The following ARID3A variants were observed in gnomAD, a reference collection of about 807,000 sequenced individuals.
ARID3A encodes AT-rich interactive domain-containing protein 3A.
In ARID3A, 11 loss-of-function variants were observed where a neutral mutation model predicts 52.7. The ratio of observed to expected loss-of-function variants is 0.21; its 90% CI spans 0.13 to 0.35. ARID3A has a LOEUF of 0.35. ARID3A is among the 10% of genes least tolerant of loss of function. The pLI is 1.00. For missense variants in ARID3A, 721 were observed against 838.5 expected (o/e 0.86, Z 1.73); for synonymous variants, 404 against 359.4 (o/e 1.12, Z -1.40).
chr19:943,047 T>C (rs1028437120), intron 3 of ARID3A, among the ~76,000 whole-genome samples: 1 of 152,042 alleles, frequency 6.6e-6, no homozygotes, highest in African/African-American at 2.4e-5. Flanking sequence ...GACGGGAGTT[T>C]CGCTTGAGCC....
intron 6 of ARID3A, 93 bp downstream of exon 6, chr19:965,173 A>G (rs2038123215): frequency 1.4e-6 from 2 of 1,399,276 alleles, no homozygotes; most frequent in African/African-American, 2.9e-5. Flanking sequence ...TCTCTGGGTA[A>G]CCAGGATGAA....
rs375088044 is a variant in ARID3A at position 929,276 on chromosome 19, G to A, written c.-253G>A. 12 of 307,894 alleles carry A rather than the reference G, an allele frequency of 3.9e-5. No homozygotes were observed. In the East Asian group the frequency reaches 6.5e-4, roughly 17 times the overall value. The allele number at this position is 307,894 out of a possible 1,614,324, so 19.1% of individuals were successfully genotyped here. ...TTCCCCCTCAGGTTTCTGCAAATGC[G>A]TGAATGAGCCGGATGCCAGCCTCTG... is the stretch of plus-strand genomic sequence containing the variant. On this transcript the variant is annotated 5_prime_UTR_variant, in exon 2 of 9. In the 5' UTR this introduces an upstream ATG that the reference lacks. Transcript: ENST00000263620. This position sits in a 1 kb window ranked among gnomAD's most constrained non-coding sequence, Gnocchi z 6.2.
intron 3 of ARID3A, among the ~76,000 whole-genome samples, chr19:950,575 G>A (rs1167355771): frequency 2.6e-5 from 4 of 152,166 alleles, no homozygotes; most frequent in Non-Finnish European, 4.4e-5. Context: ...GTGGGGACCG[G>A]CAGGCAGGCA....
intron 3 of ARID3A, among the ~76,000 whole-genome samples, chr19:955,837 G>C (rs199610985): frequency 1.3e-5 from 2 of 152,162 alleles, no homozygotes; most frequent in African/African-American, 2.4e-5. Context: ...GGGGGGCTGC[G>C]TAACGAAGGA....
At chr19:971,283 C>G (rs2038271878) in intron 8 of ARID3A, among the ~76,000 whole-genome samples, 1 of 152,128 alleles carries the variant, frequency 6.6e-6, no homozygotes, top group Non-Finnish European at 1.5e-5. Flanking sequence ...GCCTGGGCAA[C>G]ATATTGAGAG....
chr19:951,494 T>C (rs2037802648), intron 3 of ARID3A, among the ~76,000 whole-genome samples: 1 of 151,788 alleles, frequency 6.6e-6, no homozygotes, highest in African/African-American at 2.4e-5. Context: ...GAGGCTGCAG[T>C]GAGCTATGAC....
chr19:941,469 G>A lies in ARID3A; in HGVS notation c.693+8727G>A, dbSNP rs2145385929. Among the ~76,000 whole-genome samples, 2 of 152,344 alleles carry A rather than the reference G, an allele frequency of 1.3e-5. No homozygotes were observed. Among genetic ancestry groups the A allele is most frequent in the Admixed American group, 1.3e-4 (2 of 15,304 alleles). The stretch of plus-strand genomic sequence containing the variant: ...GCGTGTCCCCAGCCAGCACCACGGT[G>A]TTCGTTTAGGTCTCTGTGTGCCGAG... On this transcript the variant is annotated intron_variant, in intron 3 of 8. Coordinates refer to ENST00000263620, the MANE Select transcript of ARID3A (RefSeq NM_005224.3). This position sits in a 1 kb window ranked among gnomAD's most constrained non-coding sequence, Gnocchi z 6.9.
Position 930,651 on chromosome 19 carries a change from A to G in ARID3A, c.368+755A>G, listed in dbSNP as rs941182414. ...CAGCCTCCCGAGTAGTTGGGACTAC[A>G]GGCGCCCGCCACCACGCCTGGCTAA... is the stretch of plus-strand genomic sequence containing the variant. On this transcript the variant is annotated intron_variant, in intron 2 of 8. Coordinates refer to ENST00000263620, the MANE Select transcript of ARID3A (RefSeq NM_005224.3). Among the ~76,000 whole-genome samples the G allele has an allele frequency of 1.1e-3, 170 of 149,582 alleles. 1 individual carries two copies. The highest frequency in any genetic ancestry group is 4.1e-3 in the African/African-American group (166 of 40,840).
chr19:934,786 T>C (rs913959600), intron 3 of ARID3A, among the ~76,000 whole-genome samples: 2 of 152,044 alleles, frequency 1.3e-5, no homozygotes, highest in Non-Finnish European at 2.9e-5. Context: ...GACTTTTTTT[T>C]CTCTAGAGAA....
At chr19:930,804 C>T (rs979432584) in intron 2 of ARID3A, among the ~76,000 whole-genome samples, 4 of 151,902 alleles carry the variant, frequency 2.6e-5, no homozygotes, top group South Asian at 2.1e-4. Context: ...CCACCACACC[C>T]GGCCAACTTT....
At position 929,707 on chromosome 19, in the gene ARID3A, C is replaced by T; in HGVS notation, c.179C>T (p.Ala60Val). 2 of 1,564,884 alleles carry T rather than the reference C, an allele frequency of 1.3e-6. No individual in the cohort carries two copies. The highest frequency in any genetic ancestry group is 1.7e-6 in the Non-Finnish European group (2 of 1,163,606). Residue 60 changes from alanine (A) to valine (V), a missense_variant, in exon 2 of 9, where the codon GCC (alanine) becomes GTC (valine). By Grantham distance (64) the Ala-to-Val change is moderately conservative. This residue lies in a region of ARID3A where 349 missense variants were observed against 297.3 expected (regional missense o/e 1.17). Transcript: ENST00000263620. This position sits in a 1 kb window ranked among gnomAD's most constrained non-coding sequence, Gnocchi z 6.2. ...ESARMQRAQM[A>V]ALAAMRAAAA... ...GCCCGGATGCAGCGGGCTCAGATGGCCGCACTGGCAGCCATGCGGGCTGCA... is the reference window on the plus strand; with the variant it reads ...GCCCGGATGCAGCGGGCTCAGATGGTCGCACTGGCAGCCATGCGGGCTGCA...
rs553699583 is a variant in ARID3A at position 930,578 on chromosome 19, C to T, written c.368+682C>T. Among the ~76,000 whole-genome samples the T allele has an allele frequency of 2.0e-5, 3 of 148,914 alleles. No individual in the cohort carries two copies. The South Asian group carries it at 6.4e-4, about 32-fold the overall frequency. On this transcript the variant is annotated intron_variant, in intron 2 of 8. Coordinates refer to ENST00000263620, the MANE Select transcript of ARID3A (RefSeq NM_005224.3). ...AGGCTGGAGTGCAGTGGCGTGATCT[C>T]AGCTCACTGCAACCTCCTCCTCCCG...
intron 7 of ARID3A, among the ~76,000 whole-genome samples, chr19:967,082 A>G (rs1021093469): frequency 2.6e-5 from 4 of 151,902 alleles, no homozygotes; most frequent in Non-Finnish European, 4.4e-5. Context: ...ACATGGTGAA[A>G]CTCCATCTCT....
Position 964,785 on chromosome 19 carries a change from C to A in ARID3A, c.951-48C>A. On this transcript the variant is annotated intron_variant, in intron 5 of 8. Transcript: ENST00000263620. This position sits in a 1 kb window ranked among gnomAD's most constrained non-coding sequence, Gnocchi z 5.7. ...ACTTTGTACTGAAGGCCAAAGAGAG[C>A]CGTAGGGGTGACCCGGGTGCCATCC... The A allele has an allele frequency of 1.3e-6, 2 of 1,588,818 alleles. No individual in the cohort carries two copies. The highest frequency in any genetic ancestry group is 1.7e-4 in the Middle Eastern group (1 of 5,944).
Position 974,577 on chromosome 19 carries a change from T to C in ARID3A, c.*2512T>C. 4.4e-6 allele frequency: 1 copy of C among 229,632 alleles called. No individual in the cohort carries two copies. The allele number at this position is 229,632 out of a possible 1,614,324, so 14.2% of individuals were successfully genotyped here. A position where few individuals can be genotyped will look rare whatever the true frequency, so the allele number is the denominator to read the frequency against. ...AAAATCTGAGCCCCTGGGGTGCCTC[T>C]CCCCCGCCTCCCGTGCACCAGGGTC... is the stretch of plus-strand genomic sequence containing the variant. On this transcript the variant is annotated 3_prime_UTR_variant, in exon 9 of 9. Coordinates refer to ENST00000263620, the MANE Select transcript of ARID3A (RefSeq NM_005224.3).
chr19:970,463 C>T (rs2038252308), intron 8 of ARID3A, among the ~76,000 whole-genome samples: 2 of 149,530 alleles, frequency 1.3e-5, no homozygotes, highest in Admixed American at 1.3e-4. Context: ...AAGACCCCAT[C>T]TCTACAAAAG....
rs2038341092 is a variant in ARID3A, at chr19:974,454, G to A, written c.*2389G>A. ...TCCGTGTCTGTCCCCCGGCCTCCAGGGCTCCTCTCCCGGGACCCCCGTCCC... is the reference window on the plus strand; with the variant it reads ...TCCGTGTCTGTCCCCCGGCCTCCAGAGCTCCTCTCCCGGGACCCCCGTCCC... On this transcript the variant is annotated 3_prime_UTR_variant, in exon 9 of 9. Coordinates refer to ENST00000263620, the MANE Select transcript of ARID3A (RefSeq NM_005224.3). 2 of 231,238 alleles carry A rather than the reference G, an allele frequency of 8.6e-6. No homozygotes were observed. The highest frequency in any genetic ancestry group is 2.2e-5 in the African/African-American group (1 of 45,276). 14.3% of individuals were successfully genotyped at this position (231,238 alleles called of 1,614,324 possible).
At chr19:937,344 G>A (rs1311487181) in intron 3 of ARID3A, among the ~76,000 whole-genome samples, 1 of 152,184 alleles carries the variant, frequency 6.6e-6, no homozygotes, top group Non-Finnish European at 1.5e-5. Flanking sequence ...TGAGCGTGAC[G>A]TCCTCCAGGT....
Position 932,725 on chromosome 19 carries a change from G to A in ARID3A, c.676G>A (p.Glu226Lys). 1 of 1,547,406 alleles carries A rather than the reference G, an allele frequency of 6.5e-7. No individual in the cohort carries two copies. Among genetic ancestry groups the A allele is most frequent in the Non-Finnish European group, 8.7e-7 (1 of 1,146,446 alleles). ...QPPDHGDWTYEEQFKQLYELD... is the reference protein window; with the variant it reads ...QPPDHGDWTYKEQFKQLYELD... ...GCCTGACCACGGCGACTGGACTTAC[G>A]AGGAGCAGTTTAAGCAGGTGAGTGG... The change falls in exon 3 of 9, where the codon GAG becomes AAG. Residue 226 changes from glutamate to lysine, a missense_variant. By Grantham distance (56) the Glu-to-Lys change is moderately conservative. Coordinates refer to ENST00000263620, the MANE Select transcript of ARID3A (RefSeq NM_005224.3).
Sources: gnomAD v4.1 joint callset for allele counts (sites outside exome capture counted in the v4.1 genomes callset) on GRCh38, gnomAD v4.1.1 for gene constraint, gnomAD v4.1.1 regional missense constraint, Gnocchi (gnomAD v3.1) non-coding constraint, MANE v1.5 for transcripts, NCBI Gene and HGNC (gene_info 2026-07-23, HGNC 2026-07-21) for gene names.